Variants in ZNF516 observed in about 807,000 individuals in gnomAD.
ZNF516 encodes the protein zinc finger protein 516.
Under a neutral mutation model 79.7 loss-of-function variants are expected in ZNF516, and 19 were observed. That is an observed-to-expected ratio of 0.24 (90% CI 0.17 to 0.35). The LOEUF is 0.35. Among genes scored for constraint, ZNF516 ranks in the 10% least tolerant of loss-of-function variants. The probability of loss-of-function intolerance (pLI) is 1.00; values close to 1 mark genes in which losing one functional copy is unlikely to be tolerated. For synonymous variants in ZNF516, 877 were observed against 739.5 expected, an observed-to-expected ratio of 1.19 and a Z score of -3.02; for missense variants, 1,678 against 1,679.5, an observed-to-expected ratio of 1.00 and a Z score of 0.02.
intron 2 of ZNF516, among the ~76,000 whole-genome samples, chr18:76,458,940 G>A (rs1011816398): frequency 6.6e-6 from 1 of 152,254 alleles, no homozygotes; most frequent in South Asian, 2.1e-4. Context: ...GAAGCAGCTG[G>A]GTGAACATGA....
At position 76,370,403 on chromosome 18, in the gene ZNF516, T is replaced by C. The variant is rs1167254040; in HGVS notation, c.3432+125A>G. The C allele has an allele frequency of 5.0e-5, 47 of 933,232 alleles. 1 individual carries two copies. In the East Asian group the frequency reaches 7.6e-4, roughly 15 times the overall value. 57.8% of individuals were successfully genotyped at this position (933,232 alleles called of 1,614,324 possible). On this transcript the variant is annotated intron_variant, in intron 6 of 6. Coordinates refer to ENST00000443185, the MANE Select transcript of ZNF516 (RefSeq NM_014643.4). ...GGGTCAGGTTCCAAGTCAAAGCATATAGGATTATTTACACATCTAGTGAAA... is the reference window on the plus strand; with the variant it reads ...GGGTCAGGTTCCAAGTCAAAGCATACAGGATTATTTACACATCTAGTGAAA...
At chr18:76,380,504 T>C (rs1411992200) in intron 3 of ZNF516, among the ~76,000 whole-genome samples, 3 of 152,072 alleles carry the variant, frequency 2.0e-5, no homozygotes, top group Non-Finnish European at 4.4e-5. Flanking sequence ...CAGGACTTCT[T>C]TTCTCAATTT....
chr18:76,437,067 A>ACAC (rs1555710304), intron 3 of ZNF516, among the ~76,000 whole-genome samples: 40 of 135,986 alleles, frequency 2.9e-4, no homozygotes, highest in African/African-American at 1.1e-3. Context: ...ACCTGTCTAA[A>ACAC]ACACACACAC....
chr18:76,416,023 T>TA (rs754340736), intron 3 of ZNF516, among the ~76,000 whole-genome samples: 2 of 152,142 alleles, frequency 1.3e-5, no homozygotes, highest in Non-Finnish European at 2.9e-5. Context: ...ACTAACAGAG[T>TA]AAGCTGTTTC....
chr18:76,421,610 C>T (rs1452508185), intron 3 of ZNF516, among the ~76,000 whole-genome samples: 2 of 152,238 alleles, frequency 1.3e-5, no homozygotes, highest in East Asian at 3.8e-4. Flanking sequence ...GAATTCCACA[C>T]TAAGTTCCTG....
intron 1 of ZNF516, among the ~76,000 whole-genome samples, chr18:76,478,698 G>A (rs901384228): frequency 2.0e-5 from 3 of 152,280 alleles, no homozygotes; most frequent in Non-Finnish European, 2.9e-5. Context: ...CACACTTTCA[G>A]TACACTCTCA....
In ZNF516 at chr18:76,409,115, T is replaced by C. The variant is rs143590254; in HGVS notation, c.1811-28812A>G. Among the ~76,000 whole-genome samples the C allele has an allele frequency of 4.0e-3, 613 of 152,056 alleles. 4 individuals are homozygous for C. Among genetic ancestry groups the C allele is most frequent in the African/African-American group, 0.014 (567 of 41,456 alleles). On this transcript the variant is annotated intron_variant, in intron 3 of 6. Coordinates refer to ENST00000443185, the MANE Select transcript of ZNF516 (RefSeq NM_014643.4). ...ATAAAATCTCCCTAATATAAGCAAA[T>C]AAAAAATATTTACATAGCTAAAGTG...
In ZNF516 at chr18:76,433,468, C is replaced by T. The variant is rs557407888; in HGVS notation, c.1810+7777G>A. 9.8e-5 allele frequency among the ~76,000 whole-genome samples: 15 copies of T among 152,288 alleles called. No individual in the cohort carries two copies. The South Asian group carries it at 3.1e-3, about 32-fold the overall frequency. Reference sequence around the variant, plus strand: ...GTCATCCTGCCTGAAAAGAATGTGTCCACGCAACAGGGAGGAATGGGGCCA... The same window carrying T: ...GTCATCCTGCCTGAAAAGAATGTGTTCACGCAACAGGGAGGAATGGGGCCA... On this transcript the variant is annotated intron_variant, in intron 3 of 6. Transcript: ENST00000443185.
chr18:76,467,912 G>A lies in ZNF516; in HGVS notation c.-271-4771C>T, dbSNP rs1913587013. Among the ~76,000 whole-genome samples, 1 of 152,208 alleles carries A rather than the reference G, an allele frequency of 6.6e-6. No individual in the cohort carries two copies. ...GAAATGAGTGCTTCAACTATCTGCT[G>A]ACTGCTAACTCCCACTGTCATCCCA... On this transcript the variant is annotated intron_variant, in intron 1 of 6. Transcript: ENST00000443185. This position sits in a 1 kb window ranked among gnomAD's most constrained non-coding sequence, Gnocchi z 4.2.
chr18:76,430,686 GTTAT>G (rs1327545602), intron 3 of ZNF516, among the ~76,000 whole-genome samples: 1 of 152,144 alleles, frequency 6.6e-6, no homozygotes, highest in Non-Finnish European at 1.5e-5. Flanking sequence ...AACCAAGTAG[GTTAT>G]TAAATAAAAC....
intron 4 of ZNF516, among the ~76,000 whole-genome samples, chr18:76,373,645 C>T (rs1378030679): frequency 6.6e-6 from 1 of 152,204 alleles, no homozygotes; most frequent in Non-Finnish European, 1.5e-5. Flanking sequence ...AAATGAGCAA[C>T]AGAGAAAACA....
chr18:76,440,761 T>TGTGTGTGTGTGTGTGTGTGTGTGCGC (rs571461431), intron 3 of ZNF516, among the ~76,000 whole-genome samples: 4 of 150,144 alleles, frequency 2.7e-5, no homozygotes, highest in African/African-American at 7.4e-5. Context: ...TGTGTGTGTG[T>TGTGTGTGTGTGTGTGTGTGTGTGCGC]GCGCGCACGC....
chr18:76,401,609 G>A (rs892345174), intron 3 of ZNF516, among the ~76,000 whole-genome samples: 1 of 151,936 alleles, frequency 6.6e-6, no homozygotes. Context: ...GGCAGAGCCC[G>A]CATGGGCCCC....
chr18:76,491,272 C>G (rs1462458822), intron 1 of ZNF516, among the ~76,000 whole-genome samples: 1 of 84,034 alleles, frequency 1.2e-5, no homozygotes, highest in Non-Finnish European at 2.6e-5. Flanking sequence ...ACCCGCCCCC[C>G]TCCCCGGCCC....
intron 3 of ZNF516, among the ~76,000 whole-genome samples, chr18:76,408,392 G>A (rs2075329758): frequency 6.6e-6 from 1 of 152,188 alleles, no homozygotes. Flanking sequence ...CGACACACTT[G>A]AGACCCTCCG....
At chr18:76,385,266 C>T (rs549815182) in intron 3 of ZNF516, among the ~76,000 whole-genome samples, 21 of 152,336 alleles carry the variant, frequency 1.4e-4, no homozygotes, top group Admixed American at 5.2e-4. Context: ...GACTTCACTG[C>T]GTCCCAAGCT....
intron 2 of ZNF516, among the ~76,000 whole-genome samples, chr18:76,447,165 G>A (rs766338999): frequency 6.6e-6 from 1 of 151,248 alleles, no homozygotes; most frequent in African/African-American, 2.5e-5. Context: ...TAAGACAAGG[G>A]CATCCCTTCC....
Position 76,371,527 on chromosome 18 carries a change from C to G in ZNF516, c.3304G>C (p.Glu1102Gln). The change falls in exon 5 of 7, where the codon GAG (glutamate) becomes CAG (glutamine). Residue 1102 changes from glutamate (E) to glutamine (Q), a missense_variant. Physicochemically the swap from Glu to Gln is conservative, Grantham distance 29. This residue lies in a region of ZNF516 where 1,294 missense variants were observed against 1,248.3 expected (regional missense o/e 1.04). Coordinates refer to ENST00000443185, the MANE Select transcript of ZNF516 (RefSeq NM_014643.4). Reference sequence around the variant, plus strand: ...GGCTGGTGGAAGCTCTTTCCGCACTCGATGCAGACGAACTCTCCTGGCCGG... The same window carrying G: ...GGCTGGTGGAAGCTCTTTCCGCACTGGATGCAGACGAACTCTCCTGGCCGG... ...QARPGEFVCI[E>Q]CGKSFHQPGH... 2 of 1,610,854 alleles carry G rather than the reference C, an allele frequency of 1.2e-6. No homozygotes were observed. The highest frequency in any genetic ancestry group is 2.2e-5 in the South Asian group (2 of 91,044).
At chr18:76,491,036 C>G in intron 1 of ZNF516, 1 of 985,444 alleles carries the variant, frequency 1.0e-6, no homozygotes, top group Non-Finnish European at 1.2e-6. Context: ...CACCCCAAAT[C>G]CGCTCGCGGG....
Sources: gnomAD v4.1 joint callset for allele counts (sites outside exome capture counted in the v4.1 genomes callset) on GRCh38, gnomAD v4.1.1 for gene constraint, gnomAD v4.1.1 regional missense constraint, Gnocchi (gnomAD v3.1) non-coding constraint, MANE v1.5 for transcripts, NCBI Gene and HGNC (gene_info 2026-07-23, HGNC 2026-07-21) for gene names.